Variants in TLE4 observed in about 807,000 individuals in gnomAD.
TLE4 encodes TLE family member 4, transcriptional corepressor.
In TLE4, 8 loss-of-function variants were observed where a neutral mutation model predicts 92.8. The ratio of observed to expected loss-of-function variants is 0.09; its 90% CI spans 0.05 to 0.16. The LOEUF (loss-of-function observed/expected upper bound fraction) is 0.16. Ranked by LOEUF, TLE4 falls within the 10% of genes least tolerant of loss-of-function variation. The pLI, the probability that TLE4 is intolerant of heterozygous loss-of-function variation, is 1.00. For missense variants in TLE4, 675 were observed against 997.6 expected (o/e 0.68, Z 4.36); for synonymous variants, 371 against 374.1 (o/e 0.99, Z 0.10).
At chr9:79,699,480 A>G (rs1213171413) in intron 8 of TLE4, among the ~76,000 whole-genome samples, 6 of 152,252 alleles carry the variant, frequency 3.9e-5, no homozygotes, top group African/African-American at 1.4e-4. Context: ...CAACAGGTGT[A>G]GAAAGGGCAA....
chr9:79,617,469 G>A (rs1242063968), intron 5 of TLE4, among the ~76,000 whole-genome samples: 2 of 152,102 alleles, frequency 1.3e-5, no homozygotes, highest in African/African-American at 4.8e-5. Context: ...AAAGCAGTAG[G>A]TCAGTAGGTG....
At chr9:79,671,200 AT>A in intron 8 of TLE4, 1 of 454,656 alleles carries the variant, frequency 2.2e-6, no homozygotes, top group Non-Finnish European at 4.4e-6. Context: ...ACTTTTATGT[AT>A]TTTACAGCAA....
intron 8 of TLE4, among the ~76,000 whole-genome samples, chr9:79,702,211 T>C (rs1323315605): frequency 6.6e-6 from 1 of 152,152 alleles, no homozygotes; most frequent in South Asian, 2.1e-4. Context: ...GTGAGGACTT[T>C]GGAAAACAGC....
At chr9:79,657,326 C>T (rs1013226711) in intron 8 of TLE4, among the ~76,000 whole-genome samples, 1 of 152,168 alleles carries the variant, frequency 6.6e-6, no homozygotes, top group Non-Finnish European at 1.5e-5. Flanking sequence ...AAGAATCCAA[C>T]GTAGGCTAAG....
intron 8 of TLE4, among the ~76,000 whole-genome samples, chr9:79,700,093 CT>C (rs2069374106): frequency 1.3e-5 from 2 of 152,166 alleles, no homozygotes; most frequent in East Asian, 3.9e-4. Flanking sequence ...AGGGGCTAGG[CT>C]ATGTGCCTGG....
At chr9:79,628,313 C>CT (rs898255151) in intron 6 of TLE4, among the ~76,000 whole-genome samples, 155 of 148,354 alleles carry the variant, frequency 1.0e-3, no homozygotes, top group South Asian at 2.4e-3. Context: ...ACACAAAAGT[C>CT]TTTTTTTTTT....
chr9:79,724,881 A>G (rs893333858), intron 19 of TLE4, among the ~76,000 whole-genome samples, 156 bp from the exon 20 acceptor site: 7 of 147,944 alleles, frequency 4.7e-5, no homozygotes, highest in Non-Finnish European at 8.9e-5. Flanking sequence ...AAAAAAAAAA[A>G]GCAGCAGTAC....
At position 79,668,347 on chromosome 9, in the gene TLE4, G is replaced by A. The variant is rs187427186; in HGVS notation, c.609+14272G>A. 3.3e-5 allele frequency among the ~76,000 whole-genome samples: 5 copies of A among 152,328 alleles called. No homozygotes were observed. The East Asian group carries it at 9.6e-4, about 29-fold the overall frequency. Reference sequence around the variant, plus strand: ...CAAATAAAGTGGTGAGATGCCAGGAGGGCTTGGCAGGAGTAGTGGTTTTCT... The same window carrying A: ...CAAATAAAGTGGTGAGATGCCAGGAAGGCTTGGCAGGAGTAGTGGTTTTCT... On this transcript the variant is annotated intron_variant, in intron 8 of 19. Coordinates refer to ENST00000376552, the MANE Select transcript of TLE4 (RefSeq NM_007005.6).
rs566865384 is a variant in TLE4, at chr9:79,579,437, A to G, written c.252+3260A>G. Among the ~76,000 whole-genome samples the G allele has an allele frequency of 3.3e-5, 5 of 152,362 alleles. No individual in the cohort carries two copies. In the South Asian group the frequency reaches 8.3e-4, roughly 25 times the overall value. The stretch of plus-strand genomic sequence containing the variant: ...TAGATTAGGAACAGTAGGTATGTGA[A>G]TTCAACCTATAGGAACTATATGGAG... On this transcript the variant is annotated intron_variant, in intron 4 of 19. Coordinates refer to ENST00000376552, the MANE Select transcript of TLE4 (RefSeq NM_007005.6).
rs371061546 is a variant in TLE4, at chr9:79,725,029, T to C, written c.2215-8T>C. ...TTTAACATTTTTGATTATATGTTTC[T>C]TTCCTAGTCCAAAGAATCCTCATCG... On this transcript the variant is annotated splice_region_variant and splice_polypyrimidine_tract_variant and intron_variant, in intron 19 of 19. Transcript: ENST00000376552. 1.8e-5 allele frequency: 29 copies of C among 1,607,644 alleles called. No homozygotes were observed. Among genetic ancestry groups the C allele is most frequent in the Non-Finnish European group, 2.2e-5 (26 of 1,174,340 alleles).
intron 8 of TLE4, among the ~76,000 whole-genome samples, chr9:79,688,818 C>A (rs1015913370): frequency 2.6e-5 from 4 of 152,046 alleles, no homozygotes; most frequent in African/African-American, 9.7e-5. Flanking sequence ...TTTCTTCCAT[C>A]TCATCTTCAG....
intron 4 of TLE4, among the ~76,000 whole-genome samples, chr9:79,604,498 A>G (rs1439922662): frequency 6.6e-6 from 1 of 152,108 alleles, no homozygotes; most frequent in East Asian, 1.9e-4. Context: ...AGCTTCAAAG[A>G]ATTGGAATTT....
At chr9:79,584,263 G>C (rs1430795251) in intron 4 of TLE4, among the ~76,000 whole-genome samples, 1 of 152,198 alleles carries the variant, frequency 6.6e-6, no homozygotes, top group Non-Finnish European at 1.5e-5. Context: ...GTGTTACACC[G>C]TCATCTCTAG....
At chr9:79,722,406 C>G (rs771104864) in intron 17 of TLE4, 45 bp from the exon 18 acceptor site, 1 of 1,602,090 alleles carries the variant, frequency 6.2e-7, no homozygotes, top group Admixed American at 1.7e-5. Flanking sequence ...ATAAAAGAAG[C>G]GTGTCCACTG....
At chr9:79,619,276 T>C (rs2050383731) in intron 5 of TLE4, among the ~76,000 whole-genome samples, 1 of 152,192 alleles carries the variant, frequency 6.6e-6, no homozygotes, top group South Asian at 2.1e-4. Context: ...AACAAACCCC[T>C]TCTACTACAT....
intron 5 of TLE4, among the ~76,000 whole-genome samples, chr9:79,622,939 A>G (rs2051408980): frequency 6.6e-6 from 1 of 152,162 alleles, no homozygotes; most frequent in South Asian, 2.1e-4. Context: ...TTTAATTAAT[A>G]TTGTTCATTA....
At chr9:79,615,493 T>C (rs1215042919) in intron 5 of TLE4, among the ~76,000 whole-genome samples, 1 of 152,208 alleles carries the variant, frequency 6.6e-6, no homozygotes, top group Non-Finnish European at 1.5e-5. Context: ...ATTGTGAGCA[T>C]CTGAAGTCAG....
rs977608917 is a variant in TLE4 at position 79,616,138 on chromosome 9, A to C, written c.315+3420A>C. On this transcript the variant is annotated intron_variant, in intron 5 of 19. Coordinates refer to ENST00000376552, the MANE Select transcript of TLE4 (RefSeq NM_007005.6). ...CTTTCCCTATTTCGGTCTCATTTGC[A>C]GGGGAAGAACTATAAATATCAACTC... 2.0e-5 allele frequency among the ~76,000 whole-genome samples: 3 copies of C among 152,180 alleles called. No homozygotes were observed. In the East Asian group the frequency reaches 5.8e-4, roughly 29 times the overall value.
At chr9:79,669,574 GT>G (rs57755478) in intron 8 of TLE4, among the ~76,000 whole-genome samples, 100 of 152,170 alleles carry the variant, frequency 6.6e-4, no homozygotes, top group African/African-American at 2.4e-3. Context: ...CACTCACATT[GT>G]TTTGTTGGTA....
Sources: gnomAD v4.1 joint callset for allele counts (sites outside exome capture counted in the v4.1 genomes callset) on GRCh38, gnomAD v4.1.1 for gene constraint, MANE v1.5 for transcripts, NCBI Gene and HGNC (gene_info 2026-07-23, HGNC 2026-07-21) for gene names.